LIMCH1: variants seen among roughly 807,000 people sequenced by gnomAD.
LIMCH1 encodes LIM and calponin homology domains 1, also known as LIM and calponin homology domains-containing protein 1.
In LIMCH1, 113 loss-of-function variants were observed where a neutral mutation model predicts 176.5. The ratio of observed to expected loss-of-function variants is 0.64; its 90% CI spans 0.55 to 0.75. The LOEUF is 0.75. Ranked by LOEUF, LIMCH1 falls within the 30% of genes least tolerant of loss-of-function variation. LIMCH1 has a pLI of 0.00. For missense variants in LIMCH1, 1,674 were observed against 1,814.9 expected (o/e 0.92, Z 1.41); for synonymous variants, 619 against 645.9 (o/e 0.96, Z 0.63).
At chr4:41,628,978 G>A (rs1255175145) in intron 8 of LIMCH1, among the ~76,000 whole-genome samples, 1 of 152,146 alleles carries the variant, frequency 6.6e-6, no homozygotes, top group Non-Finnish European at 1.5e-5. Context: ...GTACTTTCTG[G>A]CAGCTGTGGG....
intron 1 of LIMCH1, among the ~76,000 whole-genome samples, chr4:41,582,402 T>G (rs2085652805): frequency 6.6e-6 from 1 of 152,220 alleles, no homozygotes; most frequent in South Asian, 2.1e-4. Flanking sequence ...TTAGCCCATG[T>G]AAACATTATT....
intron 14 of LIMCH1, among the ~76,000 whole-genome samples, chr4:41,639,925 T>G (rs1037157397): frequency 6.6e-6 from 1 of 152,196 alleles, no homozygotes. Flanking sequence ...AGTCACACAA[T>G]GAGGAATTTG....
At chr4:41,566,128 G>A in intron 1 of LIMCH1, among the ~76,000 whole-genome samples, 1 of 152,124 alleles carries the variant, frequency 6.6e-6, no homozygotes, top group East Asian at 1.9e-4. Flanking sequence ...AAGACACTAA[G>A]GTAGGAGTCA....
chr4:41,481,401 T>C (rs903897312), intron 1 of LIMCH1, among the ~76,000 whole-genome samples: 2 of 152,218 alleles, frequency 1.3e-5, no homozygotes, highest in East Asian at 1.9e-4. Context: ...TAGCTAGTTA[T>C]ATGACCTTGA....
Position 41,528,610 on chromosome 4 carries a change from G to A in LIMCH1, c.237+4132G>A, listed in dbSNP as rs149682488. 7.0e-4 allele frequency among the ~76,000 whole-genome samples: 106 copies of A among 152,210 alleles called. 1 individual carries two copies. Among genetic ancestry groups the A allele is most frequent in the African/African-American group, 2.0e-3 (84 of 41,530 alleles). On this transcript the variant is annotated intron_variant, in intron 3 of 26. Transcript: ENST00000313860. ...TTTTCACTTTGTCAGGGGTTGACAG[G>A]CCACTGACCGTCTGTTGATCAAGAA...
At chr4:41,433,871 A>G (rs1001851640) in intron 1 of LIMCH1, among the ~76,000 whole-genome samples, 1 of 152,044 alleles carries the variant, frequency 6.6e-6, no homozygotes, top group Non-Finnish European at 1.5e-5. Context: ...TATAGGAGGA[A>G]ACGAATTGAT....
rs2092976695 is a variant in LIMCH1 at position 41,626,720 on chromosome 4, A to G, written c.738A>G (p.Leu246=). 1 of 1,535,796 alleles carries G rather than the reference A, an allele frequency of 6.5e-7. No homozygotes were observed. The highest frequency in any genetic ancestry group is 2.0e-5 in the Admixed American group (1 of 50,984). ...TTTCCCCTATCAGTCAAAAACAATT[A>G]AGTGAAGAGAAAGAAGCTATTCGTG... ...AAQRFASQKQ[L]SEEKEAIRDI... is the part of the protein sequence containing the mutation. The change falls in exon 8 of 32, where the codon TTA becomes TTG. Residue 246 remains leucine, a synonymous_variant. Transcript: ENST00000503057.
intron 1 of LIMCH1, among the ~76,000 whole-genome samples, chr4:41,585,806 T>A (rs1294118012): frequency 6.6e-6 from 1 of 152,188 alleles, no homozygotes; most frequent in Non-Finnish European, 1.5e-5. Context: ...CCAACTCATC[T>A]CAGACTGATA....
In LIMCH1 at chr4:41,646,794, G is replaced by T. The variant is rs754779567; in HGVS notation, c.2721G>T (p.Gly907=). 1.9e-6 allele frequency: 3 copies of T among 1,614,160 alleles called. No individual in the cohort carries two copies. In the Admixed American group the frequency reaches 5.0e-5, roughly 27 times the overall value. Residue 907 remains glycine, a synonymous_variant, in exon 17 of 32, where the codon GGG becomes GGT. Coordinates refer to ENST00000503057, the MANE Select transcript of LIMCH1 (RefSeq NM_001330672.2). ...ATACCAGCATGTCAGCAGGCAGTGG[G>T]TCTCCAAGCAAAACTGTCACTCCCA... ...VLDTSMSAGS[G]SPSKTVTPKA... is the part of the protein sequence containing the mutation.
chr4:41,441,446 AT>A (rs902344025), intron 1 of LIMCH1, among the ~76,000 whole-genome samples: 1 of 149,642 alleles, frequency 6.7e-6, no homozygotes, highest in Non-Finnish European at 1.5e-5. Flanking sequence ...TGAGTCGGTC[AT>A]TTTTTTTTCA....
chr4:41,397,823 C>T (rs1243599376), intron 1 of LIMCH1, among the ~76,000 whole-genome samples: 1 of 152,092 alleles, frequency 6.6e-6, no homozygotes, highest in Non-Finnish European at 1.5e-5. Context: ...TATGTATTGA[C>T]ATTTATATAT....
chr4:41,496,870 T>C (rs1026874913), intron 2 of LIMCH1, among the ~76,000 whole-genome samples: 2 of 152,148 alleles, frequency 1.3e-5, no homozygotes, highest in African/African-American at 4.8e-5. Flanking sequence ...ACACCTGTCT[T>C]TGGAGATTAG....
intron 6 of LIMCH1, chr4:41,620,220 G>A: frequency 1.8e-6 from 1 of 553,080 alleles, no homozygotes; most frequent in South Asian, 2.9e-5. Context: ...TCAAGTCTGG[G>A]ATAACTCTCA....
Position 41,699,218 on chromosome 4 carries a change from A to T in LIMCH1, c.*2033A>T, listed in dbSNP as rs976422139. ...TTTTACATGTGCAACTCCATCCGTTATGTAAGGATTACATGAATATTGCAC... is the reference window on the plus strand; with the variant it reads ...TTTTACATGTGCAACTCCATCCGTTTTGTAAGGATTACATGAATATTGCAC... On this transcript the variant is annotated 3_prime_UTR_variant, in exon 32 of 32. Transcript: ENST00000503057. 1 of 152,164 alleles carries T rather than the reference A, an allele frequency of 6.6e-6. No homozygotes were observed. Among genetic ancestry groups the T allele is most frequent in the African/African-American group, 2.4e-5 (1 of 41,444 alleles). The allele number at this position is 152,164 out of a possible 1,614,324, so 9.4% of individuals were successfully genotyped here.
At chr4:41,393,633 A>C (rs1249568416) in intron 1 of LIMCH1, among the ~76,000 whole-genome samples, 1 of 152,208 alleles carries the variant, frequency 6.6e-6, no homozygotes, top group African/African-American at 2.4e-5. Flanking sequence ...TCTTCTACAG[A>C]ATAGAGCATT....
intron 1 of LIMCH1, among the ~76,000 whole-genome samples, chr4:41,490,779 G>A (rs1170904333): frequency 7.2e-5 from 11 of 152,166 alleles, no homozygotes; most frequent in African/African-American, 2.4e-4. Flanking sequence ...GCCCGTTCTC[G>A]ATGATCGCTG....
At chr4:41,520,129 C>T (rs2075974826) in intron 2 of LIMCH1, among the ~76,000 whole-genome samples, 1 of 152,200 alleles carries the variant, frequency 6.6e-6, no homozygotes, top group Non-Finnish European at 1.5e-5. Flanking sequence ...ATCTCAGTCT[C>T]TGTTTTACGA....
At chr4:41,619,044 C>G in intron 5 of LIMCH1, 144 bp from the exon 6 acceptor site, 4 of 1,034,448 alleles carry the variant, frequency 3.9e-6, no homozygotes, top group Middle Eastern at 2.2e-4. Context: ...TGTAACAAAT[C>G]TACACTTTAG....
At chr4:41,468,074 C>G (rs1034607838) in intron 1 of LIMCH1, among the ~76,000 whole-genome samples, 2 of 152,198 alleles carry the variant, frequency 1.3e-5, no homozygotes. Flanking sequence ...GCCCACAGAG[C>G]AAAGCTTACA....
Sources: allele counts gnomAD v4.1 joint callset (sites outside exome capture counted in the v4.1 genomes callset), GRCh38; gene constraint gnomAD v4.1.1; transcripts MANE v1.5; gene names NCBI Gene and HGNC (gene_info 2026-07-23, HGNC 2026-07-21).